The following WNK3 variants were observed in gnomAD, a reference collection of about 807,000 sequenced individuals.
WNK3 encodes serine/threonine-protein kinase WNK3.
In WNK3, 18 loss-of-function variants were observed where a neutral mutation model predicts 116.7. That is an observed-to-expected ratio of 0.15 (90% CI 0.11 to 0.23). The LOEUF is 0.23. Ranked by LOEUF, WNK3 falls within the 10% of genes least tolerant of loss-of-function variation. WNK3 has a pLI of 1.00. For missense variants in WNK3, 993 were observed against 1,323.8 expected (o/e 0.75, Z 3.88); for synonymous variants, 404 against 469.4 (o/e 0.86, Z 1.80).
chrX:54,313,734 A>C (rs2068914832), intron 2 of WNK3, among the ~76,000 whole-genome samples: 1 of 111,776 alleles, frequency 8.9e-6, no homozygotes. Context: ...CACTACAAAT[A>C]CATGTTTGCT....
intron 1 of WNK3, among the ~76,000 whole-genome samples, chrX:54,349,576 A>C (rs2069484668): frequency 8.9e-6 from 1 of 112,017 alleles, no homozygotes; most frequent in African/African-American, 3.2e-5. Context: ...ATGCAATTTC[A>C]ATCAAAATCC....
chrX:54,200,090 T>C (rs1462601706), intron 23 of WNK3, among the ~76,000 whole-genome samples: 4 of 112,546 alleles, frequency 3.6e-5, no homozygotes, highest in South Asian at 3.6e-4. Flanking sequence ...AGATCTCTGC[T>C]TAATCATCAC....
chrX:54,237,224 T>C, exon 20 of WNK3: 1 of 1,212,067 alleles, frequency 8.3e-7, no homozygotes, highest in South Asian at 1.8e-5. Context: ...GACTGCATGC[T>C]ACTTCCTGTG....
exon 2 of WNK3, chrX:54,333,526 C>T (rs1981709677): frequency 8.3e-7 from 1 of 1,209,961 alleles, no homozygotes; most frequent in Non-Finnish European, 1.1e-6. Flanking sequence ...ACAGTTTCCC[C>T]AGAAGCAGAG....
At chrX:54,236,212 C>T (rs1557150071) in intron 20 of WNK3, among the ~76,000 whole-genome samples, 2 of 110,736 alleles carry the variant, frequency 1.8e-5, no homozygotes, top group South Asian at 3.9e-4. Flanking sequence ...TGGGCTTAAG[C>T]GATTCTCCTG....
intron 17 of WNK3, among the ~76,000 whole-genome samples, chrX:54,243,420 CAAAAAAAAAAAA>C (rs782696727): frequency 1.2e-4 from 2 of 16,840 alleles, no homozygotes; most frequent in African/African-American, 1.8e-4. Context: ...GACTCCGTCT[CAAAAAAAAAAAA>C]AAAAAAAAAA....
chrX:54,253,155 A>G (rs1183249832), intron 13 of WNK3, among the ~76,000 whole-genome samples: 1 of 109,178 alleles, frequency 9.2e-6, no homozygotes, highest in African/African-American at 3.3e-5. Context: ...TACCTCATAA[A>G]TATATAAACT....
intron 11 of WNK3, among the ~76,000 whole-genome samples, chrX:54,256,355 C>T (rs191811852): frequency 8.9e-6 from 1 of 111,841 alleles, no homozygotes; most frequent in Non-Finnish European, 1.9e-5. Flanking sequence ...ATGAACTCAA[C>T]AGGGTAGACC....
At chrX:54,303,469 A>G (rs1355894840) in intron 5 of WNK3, among the ~76,000 whole-genome samples, 1 of 111,636 alleles carries the variant, frequency 9.0e-6, no homozygotes, top group East Asian at 2.8e-4. Context: ...CAATGGAAAG[A>G]ATAATTGTTA....
chrX:54,300,056 C>T lies in WNK3; in HGVS notation c.1179-1662G>A, dbSNP rs782610442. ...TGTATTTCTTGTAGAGATGGGGTTT[C>T]GTCATGTTGTCCAGGCTGGTCTCAA... On this transcript the variant is annotated intron_variant, in intron 6 of 23. Transcript: ENST00000354646. Among the ~76,000 whole-genome samples, 9 of 110,684 alleles carry T rather than the reference C, an allele frequency of 8.1e-5. No homozygotes were observed. In the South Asian group the frequency reaches 1.2e-3, roughly 14 times the overall value.
chrX:54,224,394 G>A (rs1332947144), intron 22 of WNK3, among the ~76,000 whole-genome samples: 2 of 107,773 alleles, frequency 1.9e-5, no homozygotes, highest in African/African-American at 6.7e-5. Context: ...TGGGTTAAAT[G>A]TAGACTGTTG....
At chrX:54,255,699 C>T (rs781885455) in intron 12 of WNK3, 41 bp downstream of exon 12, 1 of 1,173,087 alleles carries the variant, frequency 8.5e-7, no homozygotes, top group South Asian at 2.0e-5. Context: ...CCCTCCAGAC[C>T]TCTATATGTA....
intron 10 of WNK3, among the ~76,000 whole-genome samples, chrX:54,269,551 A>AC (rs1190497595): frequency 9.0e-6 from 1 of 111,693 alleles, no homozygotes; most frequent in Non-Finnish European, 1.9e-5. Flanking sequence ...CTGTGACCTA[A>AC]CAATCCCATT....
At chrX:54,242,258 C>T in intron 17 of WNK3, among the ~76,000 whole-genome samples, 1 of 111,574 alleles carries the variant, frequency 9.0e-6, no homozygotes, top group East Asian at 2.8e-4. Context: ...GTCTTATACA[C>T]TGAAAACTAC....
At chrX:54,251,506 T>A in intron 14 of WNK3, 26 bp downstream of exon 14, 2 of 1,205,273 alleles carry the variant, frequency 1.7e-6, no homozygotes, top group Middle Eastern at 2.3e-4. Flanking sequence ...TCTGAGAAGA[T>A]CTGTTTGCTA....
Position 54,250,015 on chromosome X carries a change from G to A in WNK3, c.2692C>T (p.Pro898Ser). ...TTACTAGGAAGTGGATGTCGGCCAG[G>A]AACCGCAGACATGGAATGCTGAAGA... The change falls in exon 16 of 24, where the codon CCT becomes TCT. Residue 898 changes from proline to serine, a missense_variant. By Grantham distance (74) the Pro-to-Ser change is moderately conservative (BLOSUM62 -1). Around this residue, in one of 4 missense-constraint regions of WNK3, gnomAD observed 836 missense variants for 976.5 expected, o/e 0.86. Coordinates refer to ENST00000354646, the Ensembl canonical transcript of WNK3. The A allele has an allele frequency of 2.5e-6, 3 of 1,203,479 alleles. 1 individual carries two copies. Among genetic ancestry groups the A allele is most frequent in the Non-Finnish European group, 1.1e-6 (1 of 892,267 alleles).
intron 22 of WNK3, among the ~76,000 whole-genome samples, chrX:54,222,918 A>AAT (rs1255273534): frequency 1.2e-5 from 1 of 82,446 alleles, no homozygotes; most frequent in African/African-American, 5.1e-5. Flanking sequence ...TAATAATAAT[A>AAT]TATATATATA....
intron 2 of WNK3, among the ~76,000 whole-genome samples, chrX:54,329,738 C>T (rs2069146340): frequency 9.0e-6 from 1 of 111,080 alleles, no homozygotes; most frequent in Non-Finnish European, 1.9e-5. Flanking sequence ...AACTAGAGTA[C>T]ACAGCTTGCA....
intron 1 of WNK3, among the ~76,000 whole-genome samples, chrX:54,349,204 G>A (rs2069478609): frequency 2.7e-5 from 3 of 111,568 alleles, no homozygotes; most frequent in Admixed American, 1.9e-4. Context: ...CAGGCATGGT[G>A]GCGCACGCCT....
Sources: allele counts gnomAD v4.1 joint callset (sites outside exome capture counted in the v4.1 genomes callset), GRCh38; gene constraint gnomAD v4.1.1; regional missense constraint gnomAD v4.1.1; transcripts MANE v1.5; gene names NCBI Gene and HGNC (gene_info 2026-07-23, HGNC 2026-07-21).